PKP4: variants seen among roughly 807,000 people sequenced by gnomAD.
PKP4 encodes plakophilin-4.
In PKP4, 90 loss-of-function variants were observed where a neutral mutation model predicts 145.1. The observed-to-expected ratio is 0.62, with a 90% CI of 0.52 to 0.74. The LOEUF (loss-of-function observed/expected upper bound fraction) is 0.74, where lower values mean the gene tolerates loss of function less well. Among genes scored for constraint, PKP4 ranks in the 30% least tolerant of loss-of-function variants. The pLI is 0.00. For synonymous variants in PKP4, 563 were observed against 577.2 expected (o/e 0.98, Z 0.35); for missense variants, 1,340 against 1,482.7 (o/e 0.90, Z 1.58).
intron 3 of PKP4, among the ~76,000 whole-genome samples, chr2:158,601,781 G>A: frequency 6.6e-6 from 1 of 152,152 alleles, no homozygotes; most frequent in Non-Finnish European, 1.5e-5. Context: ...TTGAAGTTCA[G>A]GGAGTTTCTA....
intron 2 of PKP4, among the ~76,000 whole-genome samples, chr2:158,535,626 C>T (rs1435146189): frequency 6.6e-6 from 1 of 152,092 alleles, no homozygotes; most frequent in Non-Finnish European, 1.5e-5. Flanking sequence ...CACTACCTTG[C>T]CTAGACTGGT....
intron 1 of PKP4, among the ~76,000 whole-genome samples, chr2:158,482,654 A>G (rs1374814078): frequency 1.3e-5 from 2 of 152,136 alleles, no homozygotes; most frequent in African/African-American, 4.8e-5. Context: ...TGGGCAACAC[A>G]GGGAGACCCT....
intron 7 of PKP4, among the ~76,000 whole-genome samples, chr2:158,629,054 A>T (rs1354811343): frequency 6.6e-6 from 1 of 152,224 alleles, no homozygotes; most frequent in East Asian, 1.9e-4. Context: ...TAAGGTATTC[A>T]TGGGCTCCAT....
At chr2:158,597,252 C>T (rs759139078) in intron 3 of PKP4, among the ~76,000 whole-genome samples, 8 of 152,112 alleles carry the variant, frequency 5.3e-5, no homozygotes, top group Admixed American at 2.6e-4. Context: ...GAGCCCAAAT[C>T]AGGAGGAATC....
chr2:158,497,164 T>C (rs1208519612), intron 1 of PKP4, among the ~76,000 whole-genome samples: 4 of 152,156 alleles, frequency 2.6e-5, no homozygotes, highest in Non-Finnish European at 1.5e-5. Context: ...GATGAAAAGA[T>C]CCACAGGGCC....
intron 3 of PKP4, among the ~76,000 whole-genome samples, chr2:158,582,442 A>G (rs922312056): frequency 6.6e-6 from 1 of 152,246 alleles, no homozygotes; most frequent in Admixed American, 6.5e-5. Flanking sequence ...GATAAAATTT[A>G]GAAAAATAAG....
chr2:158,473,300 A>T (rs1691891815), intron 1 of PKP4, among the ~76,000 whole-genome samples: 1 of 152,210 alleles, frequency 6.6e-6, no homozygotes, highest in Non-Finnish European at 1.5e-5. Context: ...CAGCAATCCC[A>T]CTACTGGGTA....
intron 3 of PKP4, among the ~76,000 whole-genome samples, chr2:158,587,445 T>G (rs1281028216): frequency 6.6e-6 from 1 of 151,958 alleles, no homozygotes; most frequent in Non-Finnish European, 1.5e-5. Flanking sequence ...ATCATTAGAG[T>G]TTTTGAAATT....
rs548959711 is a variant in PKP4, at chr2:158,568,357, A to G, written c.133-8914A>G. On this transcript the variant is annotated intron_variant, in intron 2 of 21. Transcript: ENST00000389759. ...CCATCTACGAAAGAAAGAAAAACAC[A>G]GGTTTCTAAACCCCACCCCTCTGAC... is the stretch of plus-strand genomic sequence containing the variant. Among the ~76,000 whole-genome samples the G allele has an allele frequency of 2.0e-5, 3 of 152,230 alleles. No individual in the cohort carries two copies. In the East Asian group the frequency reaches 5.8e-4, roughly 29 times the overall value.
At chr2:158,587,528 C>T (rs1054556080) in intron 3 of PKP4, among the ~76,000 whole-genome samples, 46 of 152,074 alleles carry the variant, frequency 3.0e-4, no homozygotes, top group African/African-American at 9.6e-4. Context: ...GATTTGCCTT[C>T]GCTGCTTTAT....
At chr2:158,588,575 A>G (rs952568012) in intron 3 of PKP4, among the ~76,000 whole-genome samples, 4 of 152,142 alleles carry the variant, frequency 2.6e-5, no homozygotes, top group Admixed American at 2.6e-4. Context: ...ACTCTGGGAT[A>G]TATTTCTTAA....
chr2:158,616,329 T>C (rs1408151585), intron 4 of PKP4, among the ~76,000 whole-genome samples: 1 of 152,192 alleles, frequency 6.6e-6, no homozygotes, highest in African/African-American at 2.4e-5. Context: ...TCTTCCAGAA[T>C]TTGGCTTTGC....
In PKP4 at chr2:158,497,800, T is replaced by A. The variant is rs139460495; in HGVS notation, c.-5-35380T>A. On this transcript the variant is annotated intron_variant, in intron 1 of 21. Transcript: ENST00000389759. ...GGTTGCTGATGTTGCTATTATAGCATTAACTTTTCAGAGATGAAGGTAGAG... is the reference window on the plus strand; with the variant it reads ...GGTTGCTGATGTTGCTATTATAGCAATAACTTTTCAGAGATGAAGGTAGAG... 5.0e-3 allele frequency among the ~76,000 whole-genome samples: 761 copies of A among 152,356 alleles called. 5 individuals are homozygous for A. The highest frequency in any genetic ancestry group is 0.018 in the African/African-American group (732 of 41,592).
In PKP4 at chr2:158,673,931, C is replaced by T. The variant is rs1233252175; in HGVS notation, c.3058C>T (p.Arg1020Ter). 6 of 1,613,140 alleles carry T rather than the reference C, an allele frequency of 3.7e-6. No homozygotes were observed. The highest frequency in any genetic ancestry group is 1.1e-5 in the South Asian group (1 of 91,058). ...TATTACACCTGTGTCGACATTGGAG[C>T]GAGACCGATTCAAATCACATCCTTC... ...HFITPVSTLERDRFKSHPSLS... is the reference protein window; with the variant it reads ...HFITPVSTLE Residue 1020 changes from arginine to a stop codon, truncating the protein, a stop_gained, in exon 19 of 22, where the codon CGA (arginine) becomes TGA (stop). Transcript: ENST00000389759. LOFTEE classifies it high-confidence loss of function.
intron 10 of PKP4, 133 bp from the exon 11 acceptor site, chr2:158,642,353 T>C (rs1454883382): frequency 3.0e-6 from 2 of 658,706 alleles, no homozygotes; most frequent in Non-Finnish European, 4.9e-6. Flanking sequence ...AGTTGTCTTA[T>C]TTGGAATAAA....
At chr2:158,605,530 A>G (rs1165504157) in intron 4 of PKP4, among the ~76,000 whole-genome samples, 1 of 152,050 alleles carries the variant, frequency 6.6e-6, no homozygotes, top group African/African-American at 2.4e-5. Flanking sequence ...TGTTTTTTTT[A>G]TGGCAAATTT....
intron 11 of PKP4, among the ~76,000 whole-genome samples, chr2:158,655,665 G>C (rs1355156181): frequency 6.6e-6 from 1 of 152,210 alleles, no homozygotes; most frequent in Non-Finnish European, 1.5e-5. Flanking sequence ...GAAAAATGCA[G>C]CTCTCTGCCA....
At chr2:158,662,664 C>G in intron 13 of PKP4, 1 of 363,530 alleles carries the variant, frequency 2.8e-6, no homozygotes, top group Non-Finnish European at 4.9e-6. Flanking sequence ...GCATTTCGGT[C>G]GGCATGAAGT....
chr2:158,645,400 A>G (rs2054728325), intron 11 of PKP4, among the ~76,000 whole-genome samples: 1 of 152,202 alleles, frequency 6.6e-6, no homozygotes, highest in African/African-American at 2.4e-5. Flanking sequence ...CCACAAATTT[A>G]CCCTGAGCCT....
Sources: allele counts gnomAD v4.1 joint callset (sites outside exome capture counted in the v4.1 genomes callset), GRCh38; gene constraint gnomAD v4.1.1; transcripts MANE v1.5; gene names NCBI Gene and HGNC (gene_info 2026-07-23, HGNC 2026-07-21).